The following PGM5 variants were observed in gnomAD, a reference collection of about 807,000 sequenced individuals.
PGM5 encodes phosphoglucomutase-like protein 5.
PGM5 carries 23 observed loss-of-function variants against 59.2 expected under a neutral mutation model. That is an observed-to-expected ratio of 0.39 (90% CI 0.28 to 0.55). The LOEUF is 0.55. Ranked by LOEUF, PGM5 falls within the 20% of genes least tolerant of loss-of-function variation. The pLI is 0.66. For missense variants in PGM5, 574 were observed against 748.3 expected (o/e 0.77, Z 2.72); for synonymous variants, 214 against 286.0 (o/e 0.75, Z 2.54).
At chr9:68,364,255 G>T (rs1264158917) in intron 1 of PGM5, among the ~76,000 whole-genome samples, 3 of 151,964 alleles carry the variant, frequency 2.0e-5, no homozygotes, top group Non-Finnish European at 4.4e-5. Context: ...GTTTGTGCAG[G>T]TTGTATTTGA....
chr9:68,495,789 T>G (rs1188866044), intron 9 of PGM5, among the ~76,000 whole-genome samples: 1 of 152,204 alleles, frequency 6.6e-6, no homozygotes, highest in Non-Finnish European at 1.5e-5. Context: ...TTCTCTCTAC[T>G]GAGATTTTGA....
chr9:68,374,135 C>G (rs1353408344), intron 1 of PGM5, among the ~76,000 whole-genome samples: 1 of 152,270 alleles, frequency 6.6e-6, no homozygotes, highest in African/African-American at 2.4e-5. Flanking sequence ...GACTGCTATC[C>G]CAGTCTGTCA....
intron 6 of PGM5, among the ~76,000 whole-genome samples, chr9:68,434,332 A>G (rs1425646409): frequency 4.4e-5 from 6 of 136,142 alleles, no homozygotes; most frequent in Middle Eastern, 7.2e-3. Context: ...AAAAAAAAAA[A>G]AAAAAAAGAA....
chr9:68,359,285 A>C (rs1350407368), intron 1 of PGM5, among the ~76,000 whole-genome samples: 1 of 152,238 alleles, frequency 6.6e-6, no homozygotes, highest in Non-Finnish European at 1.5e-5. Context: ...ATATGCTTAA[A>C]ATAGGGTCAA....
intron 6 of PGM5, among the ~76,000 whole-genome samples, chr9:68,401,389 G>C (rs1306423248): frequency 6.6e-6 from 1 of 151,866 alleles, no homozygotes; most frequent in Non-Finnish European, 1.5e-5. Flanking sequence ...TGCTGTATTT[G>C]TGAGGACTCT....
intron 8 of PGM5, among the ~76,000 whole-genome samples, chr9:68,479,922 CAAAA>C (rs60645209): frequency 5.6e-5 from 3 of 53,800 alleles, no homozygotes; most frequent in Admixed American, 2.0e-4. Flanking sequence ...GACTCCGTCT[CAAAA>C]AAAAAAAAAA....
intron 6 of PGM5, among the ~76,000 whole-genome samples, chr9:68,456,965 G>A (rs1285225225): frequency 6.6e-6 from 1 of 152,106 alleles, no homozygotes; most frequent in Non-Finnish European, 1.5e-5. Context: ...CATGTGACAT[G>A]ATACCTGGCT....
At chr9:68,417,140 C>T (rs1554682039) in intron 6 of PGM5, among the ~76,000 whole-genome samples, 1 of 152,220 alleles carries the variant, frequency 6.6e-6, no homozygotes. Flanking sequence ...TACGGGCCTA[C>T]TGGTATCTTT....
At chr9:68,519,418 G>GAAGAAA (rs1344305300) in intron 10 of PGM5, among the ~76,000 whole-genome samples, 2 of 151,950 alleles carry the variant, frequency 1.3e-5, no homozygotes, top group East Asian at 3.8e-4. Context: ...GAATATATTG[G>GAAGAAA]AAGAAAATAA....
At chr9:68,432,240 C>T (rs1423084373) in intron 6 of PGM5, among the ~76,000 whole-genome samples, 21 of 150,566 alleles carry the variant, frequency 1.4e-4, no homozygotes, top group Admixed American at 1.4e-3. Context: ...TGCTCTGTTG[C>T]CCAGGCTGGA....
chr9:68,475,184 A>ATTTTTTTTTTTTTTT (rs782687667), intron 7 of PGM5, among the ~76,000 whole-genome samples: 35 of 112,784 alleles, frequency 3.1e-4, no homozygotes, highest in African/African-American at 7.9e-4. Flanking sequence ...TGCCTGGCTA[A>ATTTTTTTTTTTTTTT]TTTTTTTTTT....
intron 9 of PGM5, among the ~76,000 whole-genome samples, chr9:68,493,752 G>GT (rs1824438697): frequency 6.6e-6 from 1 of 152,198 alleles, no homozygotes; most frequent in Non-Finnish European, 1.5e-5. Flanking sequence ...AGTTTATCCA[G>GT]TTGCTATTCT....
intron 1 of PGM5, among the ~76,000 whole-genome samples, chr9:68,358,654 C>A (rs553490721): frequency 2.0e-5 from 3 of 151,992 alleles, no homozygotes; most frequent in Non-Finnish European, 2.9e-5. Context: ...TTTTCATTTT[C>A]TCATTTATTA....
intron 7 of PGM5, chr9:68,466,288 G>A (rs1195420563): frequency 2.3e-5 from 14 of 597,234 alleles, no homozygotes; most frequent in Non-Finnish European, 2.8e-5. Context: ...TTTTTTTTTA[G>A]CATTTCTCTT....
chr9:68,425,428 G>T (rs375457835), intron 6 of PGM5, among the ~76,000 whole-genome samples: 3 of 152,200 alleles, frequency 2.0e-5, no homozygotes, highest in Non-Finnish European at 4.4e-5. Flanking sequence ...ATGGAGGGAT[G>T]TGGAGACTTT....
intron 7 of PGM5, among the ~76,000 whole-genome samples, chr9:68,467,108 C>T (rs1046872705): frequency 3.3e-5 from 5 of 152,238 alleles, no homozygotes; most frequent in Middle Eastern, 3.4e-3. Context: ...GACAGCTGAT[C>T]GTCGCTTGCA....
At chr9:68,431,462 A>AT (rs1192284865) in intron 6 of PGM5, among the ~76,000 whole-genome samples, 2 of 152,126 alleles carry the variant, frequency 1.3e-5, no homozygotes, top group African/African-American at 4.8e-5. Flanking sequence ...AGATAGTAAT[A>AT]TTTTTTTGTA....
intron 10 of PGM5, among the ~76,000 whole-genome samples, chr9:68,520,680 C>A (rs1219652854): frequency 3.9e-5 from 6 of 152,166 alleles, no homozygotes; most frequent in Non-Finnish European, 8.8e-5. Context: ...TAAAATGTAT[C>A]ATCTCTTCAT....
At position 68,357,416 on chromosome 9, in the gene PGM5, C is replaced by A. The variant is rs782662050; in HGVS notation, c.261+28C>A. 19 of 1,546,528 alleles carry A rather than the reference C, an allele frequency of 1.2e-5. No homozygotes were observed. The East Asian group carries it at 4.4e-4, about 36-fold the overall frequency. ...GAGTGTCCGGATGCCCCTCGCTTCC[C>A]GCCGCGCCGCCGCCATGCCCTCTCC... On this transcript the variant is annotated intron_variant, in intron 1 of 10. Coordinates refer to ENST00000396396, the MANE Select transcript of PGM5 (RefSeq NM_021965.4).
Sources: gnomAD v4.1 joint callset for allele counts (sites outside exome capture counted in the v4.1 genomes callset) on GRCh38, gnomAD v4.1.1 for gene constraint, MANE v1.5 for transcripts, NCBI Gene and HGNC (gene_info 2026-07-23, HGNC 2026-07-21) for gene names.